The following SELPLG variants were observed in gnomAD, a reference collection of about 807,000 sequenced individuals.
SELPLG encodes the protein selectin P ligand.
A neutral mutation model predicts 1.1 loss-of-function variants in SELPLG; 2 were observed. That is an observed-to-expected ratio of 1.82 (90% CI 0.74 to 5.71). The LOEUF is 5.71. SELPLG is among the 30% of genes most tolerant of loss of function. The pLI, the probability that SELPLG is intolerant of heterozygous loss-of-function variation, is 0.05. For missense variants in SELPLG, 478 were observed against 524.7 expected (o/e 0.91, Z 0.87); for synonymous variants, 230 against 221.2 (o/e 1.04, Z -0.35).
In SELPLG at chr12:108,622,967, C is replaced by G; in HGVS notation, c.*102G>C. On this transcript the variant is annotated 3_prime_UTR_variant, in exon 2 of 2. Coordinates refer to ENST00000550948, the MANE Select transcript of SELPLG (RefSeq NM_003006.4). ...CCTGAAGATCCCCATCCCCAGGGGT[C>G]TCCGAGGAAGCCCAGAGCTGTGGAA... 1 of 1,251,082 alleles carries G rather than the reference C, an allele frequency of 8.0e-7. No homozygotes were observed. The highest frequency in any genetic ancestry group is 1.1e-6 in the Non-Finnish European group (1 of 935,492). 77.5% of individuals were successfully genotyped at this position (1,251,082 alleles called of 1,614,324 possible).
chr12:108,628,965 A>T (rs576828866), intron 1 of SELPLG, among the ~76,000 whole-genome samples: 22 of 152,342 alleles, frequency 1.4e-4, no homozygotes, highest in African/African-American at 5.0e-4. Flanking sequence ...CATCATGAGA[A>T]TTGAATGAGT....
At position 108,624,192 on chromosome 12, in the gene SELPLG, T is replaced by C. The variant is rs2031890686; in HGVS notation, c.116A>G (p.Asp39Gly). 6.2e-7 allele frequency: 1 copy of C among 1,614,168 alleles called. No homozygotes were observed. The highest frequency in any genetic ancestry group is 1.7e-5 in the Admixed American group (1 of 60,020). Residue 39 changes from aspartate to glycine, a missense_variant, in exon 2 of 2, where the codon GAC becomes GGC. Physicochemically the swap from Asp to Gly is moderately conservative, Grantham distance 94. Coordinates refer to ENST00000550948, the MANE Select transcript of SELPLG (RefSeq NM_003006.4). ...EKALGPLLAR[D>G]RRQATEYEYL... ...CTCATATTCGGTGGCCTGTCTCCGG[T>C]CCCGGGCAAGCAGGGGACCCAAGGC...
intron 1 of SELPLG, among the ~76,000 whole-genome samples, chr12:108,629,928 C>T (rs971365192): frequency 1.5e-4 from 23 of 152,160 alleles, no homozygotes; most frequent in Admixed American, 1.5e-3. Context: ...ATGATTTCAT[C>T]CTCTCACTAT....
At chr12:108,629,984 G>A (rs935154632) in intron 1 of SELPLG, among the ~76,000 whole-genome samples, 3 of 152,166 alleles carry the variant, frequency 2.0e-5, no homozygotes, top group African/African-American at 4.8e-5. Context: ...TGGCTCTAAC[G>A]GTGCCATCAC....
chr12:108,626,922 T>G (rs1191175070), intron 1 of SELPLG, among the ~76,000 whole-genome samples: 2 of 152,104 alleles, frequency 1.3e-5, no homozygotes, highest in African/African-American at 4.8e-5. Flanking sequence ...CCGGCCAACA[T>G]GGTGAAACCC....
At chr12:108,632,378 C>T (rs1364185687) in intron 1 of SELPLG, among the ~76,000 whole-genome samples, 1 of 139,344 alleles carries the variant, frequency 7.2e-6, no homozygotes, top group African/African-American at 2.8e-5. Flanking sequence ...GCCCAGATAT[C>T]GACAATATGG....
chr12:108,632,563 G>A (rs939158615), intron 1 of SELPLG, among the ~76,000 whole-genome samples: 1 of 151,270 alleles, frequency 6.6e-6, no homozygotes, highest in East Asian at 1.9e-4. Context: ...CACCCGGGTT[G>A]GAGTGCAGTG....
At chr12:108,626,327 G>A (rs765626300) in intron 1 of SELPLG, among the ~76,000 whole-genome samples, 1 of 151,964 alleles carries the variant, frequency 6.6e-6, no homozygotes, top group Non-Finnish European at 1.5e-5. Flanking sequence ...TAGAGACGGG[G>A]TTTCGCCATG....
At chr12:108,632,077 T>A (rs1018378627) in intron 1 of SELPLG, 6 of 675,270 alleles carry the variant, frequency 8.9e-6, no homozygotes, top group Non-Finnish European at 1.5e-5. Context: ...TCTCGGATGA[T>A]TGATTCCCCA....
chr12:108,626,166 G>A (rs1165449462), intron 1 of SELPLG, among the ~76,000 whole-genome samples: 7 of 134,728 alleles, frequency 5.2e-5, no homozygotes, highest in East Asian at 4.2e-4. Context: ...ACAGAGTCTC[G>A]CTCTGTTGCC....
rs145064883 is a variant in SELPLG at position 108,630,097 on chromosome 12, G to A, written c.-6+3643C>T. The stretch of plus-strand genomic sequence containing the variant: ...CAAAAAACAGTCCCACAGAAGTGGG[G>A]CCAGGGCAGGGCTCCGACAGAGGCG... On this transcript the variant is annotated intron_variant, in intron 1 of 1. Transcript: ENST00000550948. Among the ~76,000 whole-genome samples, 870 of 152,304 alleles carry A rather than the reference G, an allele frequency of 5.7e-3. 6 individuals carry two copies. The highest frequency in any genetic ancestry group is 0.02 in the Middle Eastern group (6 of 294).
At chr12:108,626,670 AT>A (rs762973745) in intron 1 of SELPLG, among the ~76,000 whole-genome samples, 5,665 of 140,988 alleles carry the variant, frequency 0.04, 289 homozygotes, top group African/African-American at 0.12. Flanking sequence ...TTAATTTTTA[AT>A]TTTTTTTTTT....
At position 108,623,681 on chromosome 12, in the gene SELPLG, C is replaced by T. The variant is rs746704574; in HGVS notation, c.627G>A (p.Met209Ile). ...CTGCTGGTGGAGTGGTCTGTGCTTCCATGGCTGCTGGTGCAGTGGTCTGTG... is the reference window on the plus strand; with the variant it reads ...CTGCTGGTGGAGTGGTCTGTGCTTCTATGGCTGCTGGTGCAGTGGTCTGTG... ...MEAQTTAPAA[M>I]EAQTTPPAAM... The change falls in exon 2 of 2, where the codon ATG (methionine) becomes ATA (isoleucine). Residue 209 changes from methionine to isoleucine, a missense_variant. Physicochemically the swap from Met to Ile is conservative, Grantham distance 10. Transcript: ENST00000550948. The T allele has an allele frequency of 6.6e-7, 1 of 1,522,044 alleles. No homozygotes were observed. Among genetic ancestry groups the T allele is most frequent in the Non-Finnish European group, 8.7e-7 (1 of 1,144,628 alleles). 94.3% of individuals were successfully genotyped at this position (1,522,044 alleles called of 1,614,324 possible).
chr12:108,632,768 G>A lies in SELPLG; in HGVS notation c.-6+972C>T, dbSNP rs561450187. On this transcript the variant is annotated intron_variant, in intron 1 of 1. Transcript: ENST00000550948. ...TGAGCTCAGGCCAACCACCTGCCTC[G>A]GCCTCCCAAAGGGCTGGGATTACAG... 5.9e-5 allele frequency among the ~76,000 whole-genome samples: 9 copies of A among 152,110 alleles called. No homozygotes were observed. The South Asian group carries it at 1.0e-3, about 18-fold the overall frequency.
Position 108,627,995 on chromosome 12 carries a change from G to T in SELPLG, c.-5-3683C>A, listed in dbSNP as rs548806190. The stretch of plus-strand genomic sequence containing the variant: ...CTCAGGAGGCGGAGATGGGAGAATT[G>T]CTTGAGCCTGGAGAGATTGAGGCTG... On this transcript the variant is annotated intron_variant, in intron 1 of 1. Transcript: ENST00000550948. Among the ~76,000 whole-genome samples the T allele has an allele frequency of 2.0e-5, 3 of 152,268 alleles. No homozygotes were observed. The East Asian group carries it at 5.8e-4, about 29-fold the overall frequency.
intron 1 of SELPLG, among the ~76,000 whole-genome samples, chr12:108,626,906 A>C (rs2031946442): frequency 6.6e-6 from 1 of 152,146 alleles, no homozygotes; most frequent in Admixed American, 6.5e-5. Flanking sequence ...GGAGTTCAAG[A>C]CTAGTCCGGC....
intron 1 of SELPLG, among the ~76,000 whole-genome samples, chr12:108,631,458 A>C (rs989405619): frequency 2.0e-5 from 3 of 152,148 alleles, no homozygotes; most frequent in African/African-American, 7.2e-5. Context: ...CATGTTGCCC[A>C]GGTTGGTCTC....
At position 108,622,774 on chromosome 12, in the gene SELPLG, G is replaced by C. The variant is rs992625820; in HGVS notation, c.*295C>G. The C allele has an allele frequency of 1.1e-5, 4 of 378,152 alleles. No homozygotes were observed. The highest frequency in any genetic ancestry group is 4.2e-5 in the Admixed American group (1 of 23,948). 23.4% of individuals were successfully genotyped at this position (378,152 alleles called of 1,614,324 possible). A position where few individuals can be genotyped will look rare whatever the true frequency, so the allele number is the denominator to read the frequency against. On this transcript the variant is annotated 3_prime_UTR_variant, in exon 2 of 2. Transcript: ENST00000550948. ...GTTAGAGGGACCCAGAGAAGATGGG[G>C]GACAGGAAAAAGGAGAGAATCTGTC... is the stretch of plus-strand genomic sequence containing the variant.
At chr12:108,624,833 G>T (rs2031907956) in intron 1 of SELPLG, among the ~76,000 whole-genome samples, 1 of 151,892 alleles carries the variant, frequency 6.6e-6, no homozygotes, top group African/African-American at 2.4e-5. Flanking sequence ...GGGATTACAG[G>T]CATGCACAAC....
Sources: allele counts gnomAD v4.1 joint callset (sites outside exome capture counted in the v4.1 genomes callset), GRCh38; gene constraint gnomAD v4.1.1; transcripts MANE v1.5; gene names NCBI Gene and HGNC (gene_info 2026-07-23, HGNC 2026-07-21).